The following DCTD variants were observed in gnomAD, a reference collection of about 807,000 sequenced individuals.
DCTD encodes deoxycytidylate deaminase.
Under a neutral mutation model 21.0 loss-of-function variants are expected in DCTD, and 23 were observed. The observed-to-expected ratio is 1.09, with a 90% CI of 0.79 to 1.55. The LOEUF (loss-of-function observed/expected upper bound fraction) is 1.55, where lower values mean the gene tolerates loss of function less well. Among genes scored for constraint, DCTD ranks in the 40% most tolerant of loss-of-function variants. DCTD has a pLI of 0.00. For missense variants in DCTD, 224 were observed against 230.0 expected, an observed-to-expected ratio of 0.97 and a Z score of 0.17; for synonymous variants, 71 against 81.1, an observed-to-expected ratio of 0.88 and a Z score of 0.67.
intron 3 of DCTD, among the ~76,000 whole-genome samples, chr4:182,904,929 A>G (rs1013394388): frequency 6.6e-6 from 1 of 152,100 alleles, no homozygotes; most frequent in Non-Finnish European, 1.5e-5. Context: ...AGAAATCTCT[A>G]TCTCACTCTC....
At chr4:182,900,146 C>G (rs1430297829) in intron 3 of DCTD, among the ~76,000 whole-genome samples, 2 of 152,082 alleles carry the variant, frequency 1.3e-5, no homozygotes, top group Non-Finnish European at 2.9e-5. Flanking sequence ...GACAGCTCAT[C>G]TCTACTGAAA....
At chr4:182,906,539 T>C (rs1410108678) in intron 3 of DCTD, among the ~76,000 whole-genome samples, 1 of 152,110 alleles carries the variant, frequency 6.6e-6, no homozygotes, top group East Asian at 1.9e-4. Flanking sequence ...AAAATAGAGT[T>C]AGGATTTTAA....
intron 3 of DCTD, among the ~76,000 whole-genome samples, chr4:182,898,650 C>T (rs1177367970): frequency 6.6e-6 from 1 of 152,194 alleles, no homozygotes; most frequent in Non-Finnish European, 1.5e-5. Context: ...GCTCCCGCTT[C>T]TCTCTGCTCG....
intron 3 of DCTD, among the ~76,000 whole-genome samples, chr4:182,906,633 C>A (rs1005186918): frequency 6.6e-6 from 1 of 152,226 alleles, no homozygotes; most frequent in Non-Finnish European, 1.5e-5. Context: ...CTCGTTAGTA[C>A]TTATTTTAAT....
intron 3 of DCTD, among the ~76,000 whole-genome samples, chr4:182,912,789 A>C (rs6823077): frequency 0.48 from 72,379 of 151,908 alleles, 17,861 homozygotes; most frequent in African/African-American, 0.59. Flanking sequence ...TCACTGCTTA[A>C]AGATCTGCTG....
Position 182,917,034 on chromosome 4 carries a change from G to C in DCTD, c.-8+277C>G. On this transcript the variant is annotated intron_variant, in intron 1 of 5. Transcript: ENST00000438320. This position sits in a 1 kb window ranked among gnomAD's most constrained non-coding sequence, Gnocchi z 4.9. The stretch of plus-strand genomic sequence containing the variant: ...AAGGGATGTGGTGTTCAGACGCCCA[G>C]CACCACCTCCCGGGGCACTCCAAGG... 1 of 988,326 alleles carries C rather than the reference G, an allele frequency of 1.0e-6. No homozygotes were observed. Among genetic ancestry groups the C allele is most frequent in the Non-Finnish European group, 1.2e-6 (1 of 831,968 alleles). The allele number at this position is 988,326 out of a possible 1,614,324, so 61.2% of individuals were successfully genotyped here. A position where few individuals can be genotyped will look rare whatever the true frequency, so the allele number is the denominator to read the frequency against.
In DCTD at chr4:182,915,020, G is replaced by A. The variant is rs192527726; in HGVS notation, c.147C>T (p.Val49=). The A allele has an allele frequency of 1.2e-4, 201 of 1,614,162 alleles. No individual in the cohort carries two copies. The Middle Eastern group carries it at 1.3e-3, about 11-fold the overall frequency. The change falls in exon 3 of 6, where the codon GTC becomes GTT. Residue 49 remains valine (V), a synonymous_variant. Coordinates refer to ENST00000438320, the MANE Select transcript of DCTD (RefSeq NM_001921.3). ...TTGGCATCCCATTGTACCCAATCCCGACAATCTTGTTTTCTGAATTCACGA... is the reference window on the plus strand; with the variant it reads ...TTGGCATCCCATTGTACCCAATCCCAACAATCTTGTTTTCTGAATTCACGA... The part of the protein sequence containing the change: ...ACIVNSENKI[V]GIGYNGMPNG...
chr4:182,901,696 T>C (rs879675812), intron 3 of DCTD, among the ~76,000 whole-genome samples: 1 of 151,968 alleles, frequency 6.6e-6, no homozygotes, highest in Non-Finnish European at 1.5e-5. Context: ...CATCACCCTC[T>C]ATTATTTCTA....
intron 3 of DCTD, among the ~76,000 whole-genome samples, chr4:182,908,993 A>T (rs1737225444): frequency 6.6e-6 from 1 of 152,220 alleles, no homozygotes; most frequent in South Asian, 2.1e-4. Context: ...GAAAGGAGAC[A>T]GATATGTGTA....
intron 3 of DCTD, among the ~76,000 whole-genome samples, chr4:182,899,331 T>G (rs759632802): frequency 6.6e-6 from 1 of 152,204 alleles, no homozygotes; most frequent in Non-Finnish European, 1.5e-5. Context: ...TTTCCTGCCT[T>G]TGTGGGCACT....
At chr4:182,907,595 T>C (rs1736955877) in intron 3 of DCTD, among the ~76,000 whole-genome samples, 1 of 152,044 alleles carries the variant, frequency 6.6e-6, no homozygotes, top group Non-Finnish European at 1.5e-5. Context: ...CAGTCTTTAA[T>C]CGTTAGAGGA....
intron 3 of DCTD, among the ~76,000 whole-genome samples, chr4:182,899,097 G>C (rs887060261): frequency 6.6e-6 from 1 of 152,156 alleles, no homozygotes; most frequent in Non-Finnish European, 1.5e-5. Flanking sequence ...CCAACATGAC[G>C]TGTACTTGGG....
chr4:182,890,210 T>C lies in DCTD; in HGVS notation c.*1189A>G, dbSNP rs771006586. 6.6e-6 allele frequency: 1 copy of C among 152,176 alleles called. No individual in the cohort carries two copies. Among genetic ancestry groups the C allele is most frequent in the Non-Finnish European group, 1.5e-5 (1 of 68,028 alleles). 9.4% of individuals were successfully genotyped at this position (152,176 alleles called of 1,614,324 possible). ...GACAAAATAAAAACTCATGAAAATA[T>C]AAGAGCACTTTAAAAAGGTAATAAT... On this transcript the variant is annotated 3_prime_UTR_variant, in exon 6 of 6. Transcript: ENST00000438320.
rs1738891943 is a variant in DCTD at position 182,917,196 on chromosome 4, G to T, written c.-8+115C>A. The T allele has an allele frequency of 2.0e-6, 2 of 991,706 alleles. No individual in the cohort carries two copies. Among genetic ancestry groups the T allele is most frequent in the Middle Eastern group, 1.0e-3 (2 of 1,940 alleles). 61.4% of individuals were successfully genotyped at this position (991,706 alleles called of 1,614,324 possible). On this transcript the variant is annotated intron_variant, in intron 1 of 5. Coordinates refer to ENST00000438320, the MANE Select transcript of DCTD (RefSeq NM_001921.3). The surrounding 1 kb of genome is among the most constrained non-coding windows in gnomAD (Gnocchi z 4.9). ...CGGCCGAGGCGCCCCCAGCGTCCGC[G>T]GCCCCAGGCCCCCGCCCGGCAGCCA... is the stretch of plus-strand genomic sequence containing the variant.
At chr4:182,907,111 T>G (rs1330053729) in intron 3 of DCTD, among the ~76,000 whole-genome samples, 1 of 152,236 alleles carries the variant, frequency 6.6e-6, no homozygotes, top group Non-Finnish European at 1.5e-5. Flanking sequence ...AATCATACAT[T>G]TTCTTTCACT....
chr4:182,917,475 C>T (rs1245345243), upstream of DCTD: 5 of 286,582 alleles, frequency 1.7e-5, no homozygotes, highest in Non-Finnish European at 2.5e-5. The surrounding 1 kb of genome is among the most constrained non-coding windows in gnomAD (Gnocchi z 4.9). Context: ...GGCCCGAAGC[C>T]CTGAGGGGAG....
chr4:182,908,688 AAAAAAAAAAAAAAAAAAGAAG>A (rs1041715350), intron 3 of DCTD, among the ~76,000 whole-genome samples: 7 of 147,944 alleles, frequency 4.7e-5, no homozygotes, highest in African/African-American at 1.2e-4. Context: ...GTCTCAAAAA[AAAAAAAAAAAAAAAAAAGAAG>A]AAGAAGAAGA....
At chr4:182,901,655 T>TCATG (rs1735767021) in intron 3 of DCTD, among the ~76,000 whole-genome samples, 1 of 152,114 alleles carries the variant, frequency 6.6e-6, no homozygotes, top group South Asian at 2.1e-4. Context: ...AAGCGTCTGC[T>TCATG]CATGGCCTTC....
At chr4:182,904,184 T>C (rs1266359338) in intron 3 of DCTD, among the ~76,000 whole-genome samples, 1 of 152,148 alleles carries the variant, frequency 6.6e-6, no homozygotes, top group Non-Finnish European at 1.5e-5. Flanking sequence ...TGCTCAGGGC[T>C]AAAGAGATTT....
Sources: gnomAD v4.1 joint callset for allele counts (sites outside exome capture counted in the v4.1 genomes callset) on GRCh38, gnomAD v4.1.1 for gene constraint, Gnocchi (gnomAD v3.1) non-coding constraint, MANE v1.5 for transcripts, NCBI Gene and HGNC (gene_info 2026-07-23, HGNC 2026-07-21) for gene names.